Variants in ATRIP observed in about 807,000 individuals in gnomAD.
ATRIP encodes ATR-interacting protein.
Under a neutral mutation model 78.1 loss-of-function variants are expected in ATRIP, and 44 were observed. The ratio of observed to expected loss-of-function variants is 0.56; its 90% confidence interval spans 0.44 to 0.72. The LOEUF (loss-of-function observed/expected upper bound fraction) is 0.72. ATRIP is among the 30% of genes least tolerant of loss of function. The pLI is 0.00. For missense variants in ATRIP, 927 were observed against 980.2 expected (o/e 0.95, Z 0.72); for synonymous variants, 388 against 408.9 (o/e 0.95, Z 0.62).
Position 48,464,911 on chromosome 3 carries a change from G to A in ATRIP, c.2136G>A (p.Gln712=). 6.2e-7 allele frequency: 1 copy of A among 1,614,166 alleles called. No homozygotes were observed. Among genetic ancestry groups the A allele is most frequent in the Non-Finnish European group, 8.5e-7 (1 of 1,180,034 alleles). ...CAGGGGGACCCCCAAGGACCGACCA[G>A]CAGAGGCGGACAGTGCGCTGTCTGC... is the stretch of plus-strand genomic sequence containing the variant. ...RRAGGPPRTD[Q]QRRTVRCLRD... The change falls in exon 12 of 13, where the codon CAG becomes CAA. Residue 712 remains glutamine, a synonymous_variant. Coordinates refer to ENST00000320211, the MANE Select transcript of ATRIP (RefSeq NM_130384.3).
rs1333968146 is a variant in ATRIP, at chr3:48,465,041, A to G, written c.2266A>G (p.Ser756Gly). Residue 756 changes from serine to glycine, a missense_variant, in exon 12 of 13, where the codon AGC becomes GGC. Ser to Gly is a moderately conservative substitution (Grantham distance 56, BLOSUM62 0). Transcript: ENST00000320211. ...HQFDQVMPGV[S>G]MLIRGLPDVT... The stretch of plus-strand genomic sequence containing the variant: ...GTTTGACCAGGTGATGCCGGGGGTC[A>G]GCATGCTCATCCGAGGGCTTCCTGA... 9 of 1,613,474 alleles carry G rather than the reference A, an allele frequency of 5.6e-6. No homozygotes were observed. Among genetic ancestry groups the G allele is most frequent in the African/African-American group, 2.7e-5 (2 of 74,938 alleles).
chr3:48,465,456 C>T (rs1560109848), intron 12 of ATRIP, 31 bp from the exon 13 acceptor site: 1 of 1,608,186 alleles, frequency 6.2e-7, no homozygotes, highest in Non-Finnish European at 8.5e-7. Context: ...ACCTTTGGGC[C>T]CTCACCAGGA....
rs1349468375 is a variant in ATRIP at position 48,466,564 on chromosome 3, C to T, written c.*1010C>T. On this transcript the variant is annotated 3_prime_UTR_variant, in exon 13 of 13. Transcript: ENST00000320211. ...GAGATGTGCTTCTGCCCACCCCCTACCCCACTCCCTCCCCTTCGGATCTTA... is the reference window on the plus strand; with the variant it reads ...GAGATGTGCTTCTGCCCACCCCCTATCCCACTCCCTCCCCTTCGGATCTTA... 3.1e-6 allele frequency: 5 copies of T among 1,613,320 alleles called. No individual in the cohort carries two copies. The highest frequency in any genetic ancestry group is 4.2e-6 in the Non-Finnish European group (5 of 1,179,536).
chr3:48,465,519 A>G lies in ATRIP; in HGVS notation c.2341A>G (p.Thr781Ala). 2 of 1,613,838 alleles carry G rather than the reference A, an allele frequency of 1.2e-6. No homozygotes were observed. Among genetic ancestry groups the G allele is most frequent in the Non-Finnish European group, 8.5e-7 (1 of 1,179,848 alleles). ...AALDDLCAAE[T>A]DVEDPEVECG ...CCTGGATGACCTCTGTGCCGCGGAA[A>G]CCGATGTGGAAGACCCCGAGGTGGA... The change falls in exon 13 of 13, where the codon ACC (threonine) becomes GCC (alanine). Residue 781 changes from threonine to alanine, a missense_variant. Coordinates refer to ENST00000320211, the MANE Select transcript of ATRIP (RefSeq NM_130384.3).
intron 5 of ATRIP, among the ~76,000 whole-genome samples, chr3:48,457,620 A>G (rs1435168857): frequency 6.6e-6 from 1 of 152,222 alleles, no homozygotes; most frequent in African/African-American, 2.4e-5. Flanking sequence ...CATGGCTGGC[A>G]GTGTAATTTC....
chr3:48,459,494 C>T lies in ATRIP; in HGVS notation c.925+40C>T, dbSNP rs764061652. On this transcript the variant is annotated intron_variant, in intron 6 of 12. Transcript: ENST00000320211. ...GCTTCTCCTGCAGGGGCCTGCATGG[C>T]TCTGAGTAATATGCAGAAGAATTGC... The T allele has an allele frequency of 1.2e-4, 188 of 1,563,030 alleles. 1 individual carries two copies. Among genetic ancestry groups the T allele is most frequent in the Admixed American group, 3.0e-4 (18 of 59,482 alleles).
intron 3 of ATRIP, 74 bp downstream of exon 3, chr3:48,451,973 C>A: frequency 7.2e-7 from 1 of 1,394,958 alleles, no homozygotes. Flanking sequence ...GCCTGTAAAT[C>A]TTCCAGGGAG....
intron 4 of ATRIP, among the ~76,000 whole-genome samples, chr3:48,456,600 CA>C (rs1206195014): frequency 0.1 from 6,907 of 66,214 alleles, 137 homozygotes; most frequent in Non-Finnish European, 0.13. Context: ...CCTGTCTCAC[CA>C]AAAAAAAAAA....
rs1297546144 is a variant in ATRIP, at chr3:48,467,310, G to A, written c.*1756G>A. The A allele has an allele frequency of 1.2e-6, 2 of 1,614,040 alleles. No individual in the cohort carries two copies. The highest frequency in any genetic ancestry group is 1.1e-5 in the South Asian group (1 of 91,094). ...GAGACCACAGGCCCTGCTGCGGTGG[G>A]TGGATGCTCACGCCAGGCCTTTCGG... On this transcript the variant is annotated 3_prime_UTR_variant, in exon 13 of 13. Coordinates refer to ENST00000320211, the MANE Select transcript of ATRIP (RefSeq NM_130384.3).
intron 1 of ATRIP, 87 bp downstream of exon 1, chr3:48,447,179 C>G (rs2039700448): frequency 7.5e-7 from 1 of 1,339,880 alleles, no homozygotes. Context: ...AACCTCGCGG[C>G]CAGCACTGCC....
chr3:48,465,078 G>A lies in ATRIP; in HGVS notation c.2303G>A (p.Cys768Tyr), dbSNP rs959331832. 1.2e-6 allele frequency: 2 copies of A among 1,606,932 alleles called. No homozygotes were observed. The highest frequency in any genetic ancestry group is 1.7e-6 in the Non-Finnish European group (2 of 1,174,496). Residue 768 changes from cysteine (C) to tyrosine (Y), a missense_variant, in exon 12 of 13, where the codon TGT (cysteine) becomes TAT (tyrosine). Physicochemically the swap from Cys to Tyr is radical, Grantham distance 194. Transcript: ENST00000320211. ...LIRGLPDVTDCEEAALDDLCA... is the reference protein window; with the variant it reads ...LIRGLPDVTDYEEAALDDLCA... Reference sequence around the variant, plus strand: ...CGAGGGCTTCCTGATGTGACGGACTGTGAAGGTAAGCCTGCCAGAGGCCAT... The same window carrying A: ...CGAGGGCTTCCTGATGTGACGGACTATGAAGGTAAGCCTGCCAGAGGCCAT...
rs72556557 is a variant in ATRIP, at chr3:48,460,025, G to C, written c.1056-85G>C. On this transcript the variant is annotated intron_variant, in intron 7 of 12. Coordinates refer to ENST00000320211, the MANE Select transcript of ATRIP (RefSeq NM_130384.3). ...GTCTGTGGGAAGGGCAGGCAGCCTG[G>C]AGAATTTGGCAGGCAGGCTGTTTGG... is the stretch of plus-strand genomic sequence containing the variant. 1.4e-4 allele frequency: 211 copies of C among 1,550,876 alleles called. No individual in the cohort carries two copies. In the African/African-American group the frequency reaches 2.6e-3, roughly 19 times the overall value.
chr3:48,460,734 C>T lies in ATRIP; in HGVS notation c.1680C>T (p.Val560=). The change falls in exon 8 of 13, where the codon GTC becomes GTT. Residue 560 remains valine, a synonymous_variant. Coordinates refer to ENST00000320211, the MANE Select transcript of ATRIP (RefSeq NM_130384.3). ...SAATGHLQAS[V]LTQCLKVLVK... ...CAACAGGTCACCTTCAAGCCAGTGTCCTGACCCAGTGCCTTAAGGTTTTGG... is the reference window on the plus strand; with the variant it reads ...CAACAGGTCACCTTCAAGCCAGTGTTCTGACCCAGTGCCTTAAGGTTTTGG... The T allele has an allele frequency of 1.9e-6, 3 of 1,612,590 alleles. No individual in the cohort carries two copies. The South Asian group carries it at 3.3e-5, about 18-fold the overall frequency.
Position 48,457,783 on chromosome 3 carries a change from CA to C in ATRIP, c.829+368del, listed in dbSNP as rs530972717. Among the ~76,000 whole-genome samples, 281 of 152,358 alleles carry C rather than the reference CA, an allele frequency of 1.8e-3. 2 individuals are homozygous for C. The highest frequency in any genetic ancestry group is 6.6e-3 in the African/African-American group (273 of 41,578). On this transcript the variant is annotated intron_variant, in intron 5 of 12. Coordinates refer to ENST00000320211, the MANE Select transcript of ATRIP (RefSeq NM_130384.3). ...AAGTCACACAGCATCCCCTCTGCCA[CA>C]TTGTATTTGTTAGAAGCAAATCACT... is the stretch of plus-strand genomic sequence containing the variant.
intron 4 of ATRIP, 28 bp from the exon 5 acceptor site, chr3:48,457,231 C>A: frequency 2.0e-6 from 3 of 1,514,824 alleles, no homozygotes; most frequent in Non-Finnish European, 1.8e-6. Flanking sequence ...AGAATCATTA[C>A]TTTGCTTTCA....
chr3:48,452,752 T>TGGTTTAACTTG (rs1408992692), intron 3 of ATRIP, among the ~76,000 whole-genome samples: 1 of 152,178 alleles, frequency 6.6e-6, no homozygotes, highest in Non-Finnish European at 1.5e-5. Context: ...AGGCTCTGAT[T>TGGTTTAACTTG]GGTTTAACTT....
chr3:48,455,310 C>T (rs1036527265), intron 4 of ATRIP, among the ~76,000 whole-genome samples: 2 of 152,174 alleles, frequency 1.3e-5, no homozygotes, highest in African/African-American at 4.8e-5. Flanking sequence ...GGATCCTCTT[C>T]ACACATCAGT....
In ATRIP at chr3:48,467,197, G is replaced by A. The variant is rs1161781485; in HGVS notation, c.*1643G>A. ...CCAAGGAAGAGCTATAGCCTAGGCA[G>A]CATCTACACTCGCCTGTATGGGCAG... On this transcript the variant is annotated 3_prime_UTR_variant, in exon 13 of 13. Coordinates refer to ENST00000320211, the MANE Select transcript of ATRIP (RefSeq NM_130384.3). 2 of 1,613,774 alleles carry A rather than the reference G, an allele frequency of 1.2e-6. No homozygotes were observed. Among genetic ancestry groups the A allele is most frequent in the Non-Finnish European group, 8.5e-7 (1 of 1,179,908 alleles).
At position 48,466,639 on chromosome 3, in the gene ATRIP, C is replaced by T. The variant is rs1225174872; in HGVS notation, c.*1085C>T. On this transcript the variant is annotated 3_prime_UTR_variant, in exon 13 of 13. Coordinates refer to ENST00000320211, the MANE Select transcript of ATRIP (RefSeq NM_130384.3). ...CCATGCTCCTCTCCAGGCTCAGCAG[C>T]AGGTACGTACCCAACCATGGGCTCG... The T allele has an allele frequency of 1.9e-6, 3 of 1,614,066 alleles. No homozygotes were observed. Among genetic ancestry groups the T allele is most frequent in the East Asian group, 2.2e-5 (1 of 44,862 alleles).
Sources: allele counts gnomAD v4.1 joint callset (sites outside exome capture counted in the v4.1 genomes callset), GRCh38; gene constraint gnomAD v4.1.1; transcripts MANE v1.5; gene names NCBI Gene and HGNC (gene_info 2026-07-23, HGNC 2026-07-21).